Variants in TTC6 observed in about 807,000 individuals in gnomAD.
TTC6 encodes the protein tetratricopeptide repeat domain 6, also known as tetratricopeptide repeat protein 6.
A neutral mutation model predicts 210.4 loss-of-function variants in TTC6; 172 were observed. The ratio of observed to expected loss-of-function variants is 0.82; its 90% confidence interval spans 0.72 to 0.93. TTC6 has a LOEUF of 0.93. Among genes scored for constraint, TTC6 ranks in the 40% least tolerant of loss-of-function variants. The pLI is 0.00. For missense variants in TTC6, 2,414 were observed against 2,318.1 expected, an observed-to-expected ratio of 1.04 and a Z score of -0.85; for synonymous variants, 804 against 819.6, an observed-to-expected ratio of 0.98 and a Z score of 0.32.
intron 17 of TTC6, among the ~76,000 whole-genome samples, chr14:37,795,035 A>T (rs1396744666): frequency 6.6e-6 from 1 of 152,182 alleles, no homozygotes; most frequent in Non-Finnish European, 1.5e-5. Flanking sequence ...GTATATGTAG[A>T]TATGTATAAT....
chr14:37,639,772 G>A (rs1227893880), intron 1 of TTC6, among the ~76,000 whole-genome samples: 2 of 147,704 alleles, frequency 1.4e-5, no homozygotes, highest in African/African-American at 2.5e-5. Flanking sequence ...TGTAATCCAA[G>A]CTACTCGGGA....
chr14:37,813,417 G>A (rs193141775), intron 25 of TTC6, among the ~76,000 whole-genome samples: 62 of 152,302 alleles, frequency 4.1e-4, no homozygotes, highest in East Asian at 1.3e-3. Context: ...GGTGGAGAGA[G>A]TGAGATAGTG....
chr14:37,659,509 G>GTTTTATTTTATTTTA lies in TTC6; in HGVS notation c.940-20626_940-20612dup, dbSNP rs60653547. 1.2e-3 allele frequency among the ~76,000 whole-genome samples: 179 copies of GTTTTATTTTATTTTA among 149,468 alleles called. 1 individual carries two copies. Among genetic ancestry groups the GTTTTATTTTATTTTA allele is most frequent in the African/African-American group, 4.1e-3 (167 of 40,676 alleles). ...TGATATGAGATGGTATCTCGTTGTC[G>GTTTTATTTTATTTTA]TTTTATTTTATTTTATTTTATTTTA... On this transcript the variant is annotated intron_variant, in intron 1 of 30. Transcript: ENST00000553443.
intron 26 of TTC6, among the ~76,000 whole-genome samples, chr14:37,819,091 A>G (rs376533876): frequency 2.4e-4 from 37 of 152,268 alleles, no homozygotes; most frequent in Admixed American, 7.9e-4. Flanking sequence ...CCAAATAACC[A>G]ATTTTCATAA....
At chr14:37,602,832 T>G (rs2095618351) in intron 1 of TTC6, among the ~76,000 whole-genome samples, 1 of 147,440 alleles carries the variant, frequency 6.8e-6, no homozygotes, top group African/African-American at 2.5e-5. Flanking sequence ...TGGTGTAGAT[T>G]TGTTTTCTTT....
At chr14:37,700,470 C>A (rs2095822776) in intron 4 of TTC6, among the ~76,000 whole-genome samples, 1 of 152,040 alleles carries the variant, frequency 6.6e-6, no homozygotes, top group African/African-American at 2.4e-5. Context: ...TGGCTAGGCG[C>A]AGTGGCTCAC....
intron 3 of TTC6, among the ~76,000 whole-genome samples, chr14:37,683,602 GTATGT>G (rs1214572216): frequency 6.6e-6 from 1 of 152,002 alleles, no homozygotes; most frequent in Non-Finnish European, 1.5e-5. Context: ...TTTTATTACA[GTATGT>G]TATAATTGTT....
At chr14:37,808,486 A>G (rs1051634500) in intron 23 of TTC6, among the ~76,000 whole-genome samples, 5 of 152,190 alleles carry the variant, frequency 3.3e-5, no homozygotes, top group African/African-American at 1.2e-4. Context: ...ATATTTGCCT[A>G]AATTAAAGTT....
chr14:37,681,783 C>T (rs1448185048), intron 2 of TTC6, among the ~76,000 whole-genome samples: 2 of 152,048 alleles, frequency 1.3e-5, no homozygotes, highest in African/African-American at 2.4e-5. Flanking sequence ...GGACTTGGAC[C>T]GAGTCACTAT....
intron 29 of TTC6, among the ~76,000 whole-genome samples, chr14:37,838,364 A>G (rs2096202646): frequency 2.0e-5 from 3 of 152,192 alleles, no homozygotes; most frequent in African/African-American, 7.2e-5. Flanking sequence ...TATAAAAGTT[A>G]CTTATTGTTT....
At chr14:37,724,902 A>T in exon 7 of TTC6, 1 of 1,514,600 alleles carries the variant, frequency 6.6e-7, no homozygotes, top group Non-Finnish European at 8.8e-7. Context: ...TCAAAGATGT[A>T]TGCTTATCCA....
chr14:37,786,748 C>G (rs1022239655), intron 14 of TTC6, among the ~76,000 whole-genome samples: 1 of 152,248 alleles, frequency 6.6e-6, no homozygotes, highest in Admixed American at 6.5e-5. Context: ...GGAGCTGTTC[C>G]TATTTGACCA....
chr14:37,763,738 TA>T (rs1307486197), intron 14 of TTC6, among the ~76,000 whole-genome samples: 9 of 152,232 alleles, frequency 5.9e-5, no homozygotes, highest in Admixed American at 5.9e-4. Context: ...ATTTTGTTGA[TA>T]TTTAAAAACA....
At chr14:37,806,372 T>C (rs768618372) in exon 22 of TTC6, 245 of 1,535,260 alleles carry the variant, frequency 1.6e-4, no homozygotes, top group Non-Finnish European at 2.0e-4. Context: ...CTTTTGATTC[T>C]TTTACAAAAG....
At chr14:37,819,859 G>A (rs2096151436) in intron 26 of TTC6, among the ~76,000 whole-genome samples, 1 of 152,174 alleles carries the variant, frequency 6.6e-6, no homozygotes, top group Non-Finnish European at 1.5e-5. Context: ...TGGCCTAGTG[G>A]ACAAGCTCAG....
intron 20 of TTC6, among the ~76,000 whole-genome samples, chr14:37,801,458 C>T (rs546928918): frequency 6.6e-6 from 1 of 152,272 alleles, no homozygotes; most frequent in East Asian, 1.9e-4. Context: ...TATGTTATCT[C>T]CTCCCCTTCC....
intron 5 of TTC6, among the ~76,000 whole-genome samples, chr14:37,709,072 T>C (rs1379784505): frequency 6.6e-6 from 1 of 152,042 alleles, no homozygotes; most frequent in African/African-American, 2.4e-5. Context: ...CCTACCAGTG[T>C]AGGTATCTGC....
intron 18 of TTC6, 128 bp from the exon 21 acceptor site, chr14:37,796,166 T>C (rs2096092265): frequency 4.8e-6 from 2 of 417,054 alleles, no homozygotes; most frequent in South Asian, 7.8e-5. Flanking sequence ...TAATTTTCAC[T>C]TTTTTATGCA....
rs377117749 is a variant in TTC6 at position 37,672,821 on chromosome 14, A to ATTTTTTTTT, written c.940-7319_940-7311dup. Among the ~76,000 whole-genome samples the ATTTTTTTTT allele has an allele frequency of 1.9e-4, 25 of 128,992 alleles. 1 individual carries two copies. Among genetic ancestry groups the ATTTTTTTTT allele is most frequent in the African/African-American group, 7.1e-4 (23 of 32,476 alleles). 84.6% of individuals were successfully genotyped at this position (128,992 alleles called of 152,430 possible). A position where few individuals can be genotyped will look rare whatever the true frequency, so the allele number is the denominator to read the frequency against. ...TAAGCAAGCTTTTCATGAATTCCTC[A>ATTTTTTTTT]TTTTTTTTTTTTTTTTTTTACTAAA... On this transcript the variant is annotated intron_variant, in intron 1 of 30. Coordinates refer to ENST00000553443, the Ensembl canonical transcript of TTC6.
Sources: gnomAD v4.1 joint callset for allele counts (sites outside exome capture counted in the v4.1 genomes callset) on GRCh38, gnomAD v4.1.1 for gene constraint, MANE v1.5 for transcripts, NCBI Gene and HGNC (gene_info 2026-07-23, HGNC 2026-07-21) for gene names.